WWTR1: variants seen among roughly 807,000 people sequenced by gnomAD.
WWTR1 encodes the protein WW domain containing transcription regulator 1.
In WWTR1, 13 loss-of-function variants were observed where a neutral mutation model predicts 40.1. The observed-to-expected ratio is 0.32, with a 90% CI of 0.21 to 0.52. WWTR1 has a LOEUF of 0.52. Among genes scored for constraint, WWTR1 ranks in the 20% least tolerant of loss-of-function variants. The pLI is 0.97. For missense variants in WWTR1, 436 were observed against 523.1 expected, an observed-to-expected ratio of 0.83 and a Z score of 1.63; for synonymous variants, 230 against 210.1, an observed-to-expected ratio of 1.09 and a Z score of -0.82.
intron 2 of WWTR1, among the ~76,000 whole-genome samples, chr3:149,623,099 T>C (rs1485009289): frequency 1.3e-5 from 2 of 152,158 alleles, no homozygotes; most frequent in African/African-American, 4.8e-5. Flanking sequence ...CGGTGGCTTA[T>C]GCCTGTAATC....
chr3:149,644,816 G>A (rs1712393317), intron 2 of WWTR1, among the ~76,000 whole-genome samples: 1 of 152,068 alleles, frequency 6.6e-6, no homozygotes. Context: ...GGGTGGTGGT[G>A]GCAGGGAGGT....
At chr3:149,640,170 G>C (rs983939901) in intron 2 of WWTR1, among the ~76,000 whole-genome samples, 2 of 151,956 alleles carry the variant, frequency 1.3e-5, no homozygotes, top group African/African-American at 2.4e-5. Context: ...CAACATCTCT[G>C]GTCTTCCCCA....
Position 149,657,755 on chromosome 3 carries a change from C to T in WWTR1, c.-4+10G>A. 1 of 159,156 alleles carries T rather than the reference C, an allele frequency of 6.3e-6. No homozygotes were observed. The highest frequency in any genetic ancestry group is 1.4e-5 in the Non-Finnish European group (1 of 72,806). 9.9% of individuals were successfully genotyped at this position (159,156 alleles called of 1,614,324 possible). A position where few individuals can be genotyped will look rare whatever the true frequency, so the allele number is the denominator to read the frequency against. On this transcript the variant is annotated intron_variant, in intron 1 of 6. Transcript: ENST00000360632. The stretch of plus-strand genomic sequence containing the variant: ...TGCCGGATGAGCGCGCGAGCTCCAG[C>T]GGGCACTACCTGGGCGGGCAGCGAA...
intron 5 of WWTR1, among the ~76,000 whole-genome samples, chr3:149,709,028 A>G (rs1032654647): frequency 6.6e-6 from 1 of 151,956 alleles, no homozygotes; most frequent in African/African-American, 2.4e-5. Flanking sequence ...TTTTCTTGAG[A>G]CACGGTCTCG....
intron 3 of WWTR1, among the ~76,000 whole-genome samples, chr3:149,557,988 G>C (rs7632919): frequency 0.051 from 7,262 of 143,620 alleles, 460 homozygotes; most frequent in East Asian, 0.16. Flanking sequence ...GGGTGACAGA[G>C]CAAGGCTCCA....
chr3:149,586,551 T>A (rs1241822295), intron 2 of WWTR1, among the ~76,000 whole-genome samples: 1 of 152,170 alleles, frequency 6.6e-6, no homozygotes, highest in East Asian at 1.9e-4. Flanking sequence ...GCTAGGAGAA[T>A]CTTTGGTTTT....
At chr3:149,659,488 C>G (rs773993479), upstream of WWTR1, 2 of 151,832 alleles carry the variant, frequency 1.3e-5, no homozygotes, top group East Asian at 1.9e-4. Context: ...CCTGCCACCA[C>G]GCCCAGCTAA....
At chr3:149,644,321 T>A (rs1363942747) in intron 2 of WWTR1, among the ~76,000 whole-genome samples, 1 of 152,214 alleles carries the variant, frequency 6.6e-6, no homozygotes, top group Non-Finnish European at 1.5e-5. Flanking sequence ...TTTTCAGCAA[T>A]TAAATCACTC....
chr3:149,610,751 T>C (rs144283555), intron 2 of WWTR1, among the ~76,000 whole-genome samples: 79 of 152,330 alleles, frequency 5.2e-4, no homozygotes, highest in Admixed American at 4.6e-3. Flanking sequence ...ATTCATTCAC[T>C]GTTCACTCAT....
At chr3:149,664,973 T>C (rs184205512) in intron 2 of WWTR1, among the ~76,000 whole-genome samples, 6 of 152,292 alleles carry the variant, frequency 3.9e-5, no homozygotes, top group South Asian at 4.1e-4. Context: ...TGATATTTAA[T>C]CTTAACTTCA....
At chr3:149,697,772 T>C (rs74553586) in intron 1 of WWTR1, among the ~76,000 whole-genome samples, 10,385 of 152,302 alleles carry the variant, frequency 0.068, 413 homozygotes, top group Non-Finnish European at 0.075. Flanking sequence ...GCCAAGTTCC[T>C]TCTATCTATA....
At chr3:149,699,987 G>A (rs1715121438) in intron 1 of WWTR1, among the ~76,000 whole-genome samples, 1 of 152,122 alleles carries the variant, frequency 6.6e-6, no homozygotes, top group African/African-American at 2.4e-5. Context: ...CCAGAGACTG[G>A]GCAATTTATA....
chr3:149,596,856 T>A (rs1355838916), intron 2 of WWTR1, among the ~76,000 whole-genome samples: 1 of 152,340 alleles, frequency 6.6e-6, no homozygotes, highest in East Asian at 1.9e-4. Context: ...TGTGTTCCAA[T>A]AGTAGCTCCT....
intron 1 of WWTR1, among the ~76,000 whole-genome samples, chr3:149,690,409 A>C (rs1234459233): frequency 1.3e-5 from 2 of 152,188 alleles, no homozygotes; most frequent in Non-Finnish European, 2.9e-5. Context: ...TAGACTAAAA[A>C]TAAAGGGATG....
intron 6 of WWTR1, 69 bp downstream of exon 6, chr3:149,525,944 T>A: frequency 1.2e-6 from 1 of 869,458 alleles, no homozygotes; most frequent in South Asian, 2.6e-5. Flanking sequence ...AAAAATAAAA[T>A]TGAGATAACC....
chr3:149,657,519 A>G, intron 1 of WWTR1: 1 of 600,286 alleles, frequency 1.7e-6, no homozygotes. Context: ...GAATTATGCA[A>G]CTTTCTTGAA....
chr3:149,694,980 T>C (rs1351069403), intron 1 of WWTR1, among the ~76,000 whole-genome samples: 1 of 152,106 alleles, frequency 6.6e-6, no homozygotes, highest in Non-Finnish European at 1.5e-5. Context: ...TGTTCAGCCA[T>C]AAAAAGAATA....
At chr3:149,700,844 T>A (rs1297828741) in intron 1 of WWTR1, among the ~76,000 whole-genome samples, 1 of 152,154 alleles carries the variant, frequency 6.6e-6, no homozygotes, top group Non-Finnish European at 1.5e-5. Context: ...CCGTGCCCAA[T>A]ACACACTGGG....
chr3:149,648,863 C>A (rs1015304420), intron 2 of WWTR1: 2 of 152,244 alleles, frequency 1.3e-5, no homozygotes, highest in African/African-American at 4.8e-5. Context: ...CCTGGTTTGT[C>A]TGTGTTCCCC....
Sources: gnomAD v4.1 joint callset for allele counts (sites outside exome capture counted in the v4.1 genomes callset) on GRCh38, gnomAD v4.1.1 for gene constraint, MANE v1.5 for transcripts, NCBI Gene and HGNC (gene_info 2026-07-23, HGNC 2026-07-21) for gene names.